The following SLC16A7 variants were observed in gnomAD, a reference collection of about 807,000 sequenced individuals.
SLC16A7 encodes solute carrier family 16 member 7, also known as monocarboxylate transporter 2.
In SLC16A7, 33 loss-of-function variants were observed where a neutral mutation model predicts 34.9. The ratio of observed to expected loss-of-function variants is 0.94; its 90% confidence interval spans 0.72 to 1.26. The LOEUF is 1.26. Ranked by LOEUF, SLC16A7 falls within the 50% of genes most tolerant of loss-of-function variation. The pLI, the probability that SLC16A7 is intolerant of heterozygous loss-of-function variation, is 0.00. For synonymous variants in SLC16A7, 201 were observed against 206.6 expected (o/e 0.97, Z 0.23); for missense variants, 573 against 578.1 (o/e 0.99, Z 0.09).
At chr12:59,701,238 C>A (rs1238259361) in intron 2 of SLC16A7, among the ~76,000 whole-genome samples, 17 of 151,606 alleles carry the variant, frequency 1.1e-4, no homozygotes, top group Non-Finnish European at 1.5e-5. Context: ...CTCTTAATTA[C>A]CTTGTAAACT....
chr12:59,634,439 T>C (rs1399657063), intron 1 of SLC16A7, among the ~76,000 whole-genome samples: 6 of 152,048 alleles, frequency 3.9e-5, no homozygotes, highest in Admixed American at 3.9e-4. Flanking sequence ...GTGAGAGAGA[T>C]TGAGCAAGTG....
rs189969898 is a variant in SLC16A7, at chr12:59,757,919, C to T, written c.218-13300C>T. 1.7e-3 allele frequency among the ~76,000 whole-genome samples: 258 copies of T among 152,092 alleles called. 2 individuals carry two copies. Among genetic ancestry groups the T allele is most frequent in the South Asian group, 6.2e-4 (3 of 4,822 alleles). On this transcript the variant is annotated intron_variant, in intron 3 of 5. Transcript: ENST00000547379. ...GTATATAATACATATACAAAATGTG[C>T]GTTAATCTATTATTTATGTTATCAG...
At chr12:59,703,044 A>G (rs1027319869) in intron 2 of SLC16A7, among the ~76,000 whole-genome samples, 4 of 152,092 alleles carry the variant, frequency 2.6e-5, no homozygotes, top group African/African-American at 4.8e-5. Flanking sequence ...TTTATTTAGC[A>G]TAATAAGTAC....
chr12:59,710,859 G>A (rs187307928), intron 3 of SLC16A7, among the ~76,000 whole-genome samples: 1 of 152,308 alleles, frequency 6.6e-6, no homozygotes, highest in East Asian at 1.9e-4. Flanking sequence ...AGGAGAAGCA[G>A]AGACACCAAT....
Position 59,782,325 on chromosome 12 carries a change from TAGA to T in SLC16A7, c.*2650_*2652del, listed in dbSNP as rs544861734. 4.6e-4 allele frequency: 70 copies of T among 152,322 alleles called. No homozygotes were observed. The highest frequency in any genetic ancestry group is 1.6e-3 in the African/African-American group (67 of 41,580). 9.4% of individuals were successfully genotyped at this position (152,322 alleles called of 1,614,324 possible). On this transcript the variant is annotated 3_prime_UTR_variant, in exon 6 of 6. Coordinates refer to ENST00000547379, the MANE Select transcript of SLC16A7 (RefSeq NM_001270623.2). ...ACTCTCCCCACCCTCTTGAACTTGTTAGAAGATTTGCTGCTTTAGCAGAATCTT... is the reference window on the plus strand; with the variant it reads ...ACTCTCCCCACCCTCTTGAACTTGTTAGATTTGCTGCTTTAGCAGAATCTT...
At chr12:59,755,189 T>G (rs909217499) in intron 3 of SLC16A7, among the ~76,000 whole-genome samples, 5 of 152,154 alleles carry the variant, frequency 3.3e-5, no homozygotes, top group African/African-American at 9.7e-5. Context: ...CTTTGAAAAC[T>G]GGCACAAGAC....
intron 1 of SLC16A7, among the ~76,000 whole-genome samples, chr12:59,622,100 A>C (rs1879720328): frequency 6.6e-6 from 1 of 151,886 alleles, no homozygotes; most frequent in African/African-American, 2.4e-5. Context: ...TGTGCTCAAA[A>C]TAAGGTAAAG....
At chr12:59,749,028 A>C (rs1879207420) in intron 3 of SLC16A7, among the ~76,000 whole-genome samples, 1 of 152,268 alleles carries the variant, frequency 6.6e-6, no homozygotes, top group African/African-American at 2.4e-5. Flanking sequence ...CATCACTGAA[A>C]AAATCATTGA....
At chr12:59,673,222 T>C (rs554718191) in intron 2 of SLC16A7, among the ~76,000 whole-genome samples, 13 of 152,304 alleles carry the variant, frequency 8.5e-5, no homozygotes, top group African/African-American at 3.1e-4. Flanking sequence ...TGAACAAAAC[T>C]TTTAGCATTT....
chr12:59,645,236 G>A (rs567915280), intron 1 of SLC16A7, among the ~76,000 whole-genome samples: 46 of 152,284 alleles, frequency 3.0e-4, no homozygotes, highest in African/African-American at 1.1e-3. Flanking sequence ...ATTGGATGTA[G>A]TGCAAGAGAA....
intron 3 of SLC16A7, among the ~76,000 whole-genome samples, chr12:59,755,395 A>C (rs1306191834): frequency 6.6e-6 from 1 of 152,248 alleles, no homozygotes; most frequent in Non-Finnish European, 1.5e-5. Context: ...CTGATAAGCA[A>C]CTTCAGCAAA....
rs1882641125 is a variant in SLC16A7 at position 59,775,247 on chromosome 12, A to G, written c.952A>G (p.Ser318Gly). The change falls in exon 5 of 6, where the codon AGT (serine) becomes GGT (glycine). Residue 318 changes from serine (S) to glycine (G), a missense_variant. Ser to Gly is a moderately conservative substitution (Grantham distance 56, BLOSUM62 0). Coordinates refer to ENST00000547379, the MANE Select transcript of SLC16A7 (RefSeq NM_001270623.2). Reference sequence around the variant, plus strand: ...TCGACCTCGAATTCAGTACTTCTTCAGTTTTGCAATCATGTTCAATGGAGT... The same window carrying G: ...TCGACCTCGAATTCAGTACTTCTTCGGTTTTGCAATCATGTTCAATGGAGT... The part of the protein sequence containing the change: ...YIRPRIQYFF[S>G]FAIMFNGVCH... 6.2e-6 allele frequency: 10 copies of G among 1,614,118 alleles called. No individual in the cohort carries two copies. Among genetic ancestry groups the G allele is most frequent in the Non-Finnish European group, 8.5e-6 (10 of 1,179,962 alleles).
intron 3 of SLC16A7, among the ~76,000 whole-genome samples, chr12:59,766,792 C>A (rs1881690722): frequency 6.6e-6 from 1 of 151,944 alleles, no homozygotes; most frequent in Non-Finnish European, 1.5e-5. Context: ...CTAAAATTCT[C>A]TTTTTTGGTT....
Position 59,713,315 on chromosome 12 carries a change from C to A in SLC16A7, c.217+8297C>A, listed in dbSNP as rs150911846. On this transcript the variant is annotated intron_variant, in intron 3 of 5. Coordinates refer to ENST00000547379, the MANE Select transcript of SLC16A7 (RefSeq NM_001270623.2). ...GATTACAGGCATGAGCCACCGCACC[C>A]AGCTGAATGTTTCCTTTAAAAGAAG... Among the ~76,000 whole-genome samples, 211 of 152,290 alleles carry A rather than the reference C, an allele frequency of 1.4e-3. 1 individual carries two copies. The highest frequency in any genetic ancestry group is 6.8e-3 in the Middle Eastern group (2 of 294).
At chr12:59,669,245 T>C (rs1320669531) in intron 2 of SLC16A7, among the ~76,000 whole-genome samples, 1 of 152,152 alleles carries the variant, frequency 6.6e-6, no homozygotes, top group Non-Finnish European at 1.5e-5. Context: ...TACATGTGAA[T>C]CATATTCATT....
intron 1 of SLC16A7, among the ~76,000 whole-genome samples, chr12:59,648,178 A>T (rs1000705427): frequency 6.6e-5 from 10 of 152,150 alleles, no homozygotes; most frequent in African/African-American, 2.4e-4. Context: ...AGATACCAAG[A>T]TATGTGTGAA....
intron 3 of SLC16A7, among the ~76,000 whole-genome samples, chr12:59,754,322 G>T (rs1032989410): frequency 2.0e-5 from 3 of 152,086 alleles, no homozygotes; most frequent in Admixed American, 1.3e-4. Flanking sequence ...CCAGGAGCCG[G>T]TTTTTTGAAA....
chr12:59,739,019 CATTTATTTATTT>C (rs71850686), intron 3 of SLC16A7, among the ~76,000 whole-genome samples: 2 of 146,398 alleles, frequency 1.4e-5, no homozygotes, highest in African/African-American at 2.5e-5. Context: ...ATTTTTTTTT[CATTTATTTATTT>C]ATTTATTTAT....
At chr12:59,744,520 C>T (rs1174493142) in intron 3 of SLC16A7, among the ~76,000 whole-genome samples, 1 of 152,122 alleles carries the variant, frequency 6.6e-6, no homozygotes, top group Non-Finnish European at 1.5e-5. Flanking sequence ...ATTCACCAAC[C>T]CTCAATTCAT....
Sources: gnomAD v4.1 joint callset for allele counts (sites outside exome capture counted in the v4.1 genomes callset) on GRCh38, gnomAD v4.1.1 for gene constraint, MANE v1.5 for transcripts, NCBI Gene and HGNC (gene_info 2026-07-23, HGNC 2026-07-21) for gene names.